CTSD: variants seen among roughly 807,000 people sequenced by gnomAD.
CTSD encodes cathepsin D.
Under a neutral mutation model 43.6 loss-of-function variants are expected in CTSD, and 28 were observed. That is an observed-to-expected ratio of 0.64 (90% CI 0.48 to 0.88). The LOEUF is 0.88. Ranked by LOEUF, CTSD falls within the 40% of genes least tolerant of loss-of-function variation. CTSD has a pLI of 0.00. For missense variants in CTSD, 485 were observed against 555.2 expected (o/e 0.87, Z 1.27); for synonymous variants, 270 against 249.8 (o/e 1.08, Z -0.76).
Position 1,761,329 on chromosome 11 carries a change from C to A in CTSD, c.208G>T (p.Val70Leu). 1 of 1,613,856 alleles carries A rather than the reference C, an allele frequency of 6.2e-7. No homozygotes were observed. The highest frequency in any genetic ancestry group is 8.5e-7 in the Non-Finnish European group (1 of 1,180,012). ...CTCACGTCCATGTAGTTCTTGAGCA[C>A]CTCGGGAATGGGCCCCTCGGTCACG... ...PAVTEGPIPE[V>L]LKNYMDAQYY... Residue 70 changes from valine to leucine, a missense_variant, in exon 2 of 9, where the codon GTG (valine) becomes TTG (leucine). By Grantham distance (32) the Val-to-Leu change is conservative. Transcript: ENST00000236671.
At position 1,763,822 on chromosome 11, in the gene CTSD, A is replaced by T; in HGVS notation, c.38T>A (p.Leu13Gln). The T allele has an allele frequency of 6.5e-7, 1 of 1,527,830 alleles. No individual in the cohort carries two copies. Among genetic ancestry groups the T allele is most frequent in the Non-Finnish European group, 8.7e-7 (1 of 1,143,196 alleles). 94.6% of individuals were successfully genotyped at this position (1,527,830 alleles called of 1,614,324 possible). The change falls in exon 1 of 9, where the codon CTG (leucine) becomes CAG (glutamine). Residue 13 changes from leucine (L) to glutamine (Q), a missense_variant. By Grantham distance (113) the Leu-to-Gln change is moderately radical. Transcript: ENST00000236671. The part of the protein sequence containing the change: ...PSSLLPLALC[L>Q]LAAPASALVR... ...GAGCGCGGAGGCGGGTGCAGCCAGC[A>T]GGCAGAGGGCGAGCGGCAGAAGGCT...
Position 1,758,995 on chromosome 11 carries a change from C to A in CTSD, c.445G>T (p.Gly149Trp). The part of the protein sequence containing the change: ...DIHYGSGSLS[G>W]YLSQDTVSVP... ...GACACAGTGTCCTGGCTCAGGTACCCGGAGAGGCTGCCCGAGCCATAGTGG... is the reference window on the plus strand; with the variant it reads ...GACACAGTGTCCTGGCTCAGGTACCAGGAGAGGCTGCCCGAGCCATAGTGG... The change falls in exon 4 of 9, where the codon GGG becomes TGG. Residue 149 changes from glycine (G) to tryptophan (W), a missense_variant. Coordinates refer to ENST00000236671, the MANE Select transcript of CTSD (RefSeq NM_001909.5). The A allele has an allele frequency of 6.2e-7, 1 of 1,613,660 alleles. No individual in the cohort carries two copies. Among genetic ancestry groups the A allele is most frequent in the Non-Finnish European group, 8.5e-7 (1 of 1,179,600 alleles).
intron 4 of CTSD, 105 bp downstream of exon 4, chr11:1,758,864 T>G: frequency 1.2e-6 from 1 of 860,580 alleles, no homozygotes; most frequent in Admixed American, 1.7e-5. Context: ...AGGGCTGGGG[T>G]TGGGCTGGGA....
In CTSD at chr11:1,753,330, G is replaced by A; in HGVS notation, c.*173C>T. The A allele has an allele frequency of 5.5e-6, 4 of 727,212 alleles. No homozygotes were observed. Among genetic ancestry groups the A allele is most frequent in the Non-Finnish European group, 7.2e-6 (3 of 417,678 alleles). 45.0% of individuals were successfully genotyped at this position (727,212 alleles called of 1,614,324 possible). On this transcript the variant is annotated 3_prime_UTR_variant, in exon 9 of 9. Coordinates refer to ENST00000236671, the MANE Select transcript of CTSD (RefSeq NM_001909.5). ...CAGGCAGCATTTCTGAACCCAGGGA[G>A]GGGAAAACCACAGAACAAAACAGCA...
rs929763593 is a variant in CTSD at position 1,753,614 on chromosome 11, C to G, written c.1128G>C (p.Pro376=). 6.2e-7 allele frequency: 1 copy of G among 1,612,870 alleles called. No individual in the cohort carries two copies. Among genetic ancestry groups the G allele is most frequent in the African/African-American group, 1.3e-5 (1 of 74,886 alleles). Residue 376 remains proline, a synonymous_variant, in exon 9 of 9, where the codon CCG becomes CCC. Transcript: ENST00000236671. ...GGATCCAGAGTGGCCCGCTGGGTGG[C>G]GGGATGTCCATGCCCATGAAGCCGC... ...CLSGFMGMDI[P]PPSGPLWILG...
At chr11:1,761,556 T>C in intron 1 of CTSD, 88 bp from the exon 2 acceptor site, 1 of 1,464,176 alleles carries the variant, frequency 6.8e-7, no homozygotes, top group Non-Finnish European at 9.4e-7. Flanking sequence ...TGGAGGCCCC[T>C]GGGGAATCTC....
chr11:1,754,036 C>T lies in CTSD; in HGVS notation c.930G>A (p.Glu310=). ...LMVGPVDEVR[E]LQKAIGAVPL... is the part of the protein sequence containing the mutation. ...GCACGGCCCCGATGGCCTTCTGCAG[C>T]TCGCGCACCTCATCCACCGGGCCCA... is the stretch of plus-strand genomic sequence containing the variant. Residue 310 remains glutamate (E), a synonymous_variant, in exon 7 of 9, where the codon GAG becomes GAA. Transcript: ENST00000236671. 6 of 1,610,386 alleles carry T rather than the reference C, an allele frequency of 3.7e-6. No individual in the cohort carries two copies. Among genetic ancestry groups the T allele is most frequent in the Non-Finnish European group, 5.1e-6 (6 of 1,179,144 alleles).
chr11:1,758,378 G>A (rs1043002877), intron 4 of CTSD, among the ~76,000 whole-genome samples: 4 of 152,096 alleles, frequency 2.6e-5, no homozygotes, highest in Admixed American at 2.0e-4. Context: ...AGACAGCTCC[G>A]AGGTGAGAAC....
At chr11:1,762,857 G>A (rs1845899273) in intron 1 of CTSD, among the ~76,000 whole-genome samples, 2 of 152,208 alleles carry the variant, frequency 1.3e-5, no homozygotes, top group African/African-American at 4.8e-5. Context: ...CACAGCCTTT[G>A]GTGAGGCTCA....
At chr11:1,760,270 G>A (rs889580091) in intron 2 of CTSD, 1 of 152,802 alleles carries the variant, frequency 6.5e-6, no homozygotes, top group Non-Finnish European at 1.5e-5. Context: ...CACAGGGATA[G>A]CAGGCGCAGG....
Position 1,759,648 on chromosome 11 carries a change from G to T in CTSD, c.229-9C>A. 6.2e-7 allele frequency: 1 copy of T among 1,610,492 alleles called. No homozygotes were observed. Among genetic ancestry groups the T allele is most frequent in the South Asian group, 1.1e-5 (1 of 91,010 alleles). ...TCCCCGTAGTACTGGGCCTGGCAGG[G>T]GACAGGGTCCGTCAGGGATGGGAGA... On this transcript the variant is annotated splice_polypyrimidine_tract_variant and intron_variant, in intron 2 of 8. Coordinates refer to ENST00000236671, the MANE Select transcript of CTSD (RefSeq NM_001909.5).
rs539823013 is a variant in CTSD at position 1,761,347 on chromosome 11, C to G, written c.190G>C (p.Glu64Gln). Residue 64 changes from glutamate to glutamine, a missense_variant, in exon 2 of 9, where the codon GAG becomes CAG. Glu to Gln is a conservative substitution (Grantham distance 29). Transcript: ENST00000236671. ...KYSQAVPAVT[E>Q]GPIPEVLKNY... ...TTGAGCACCTCGGGAATGGGCCCCT[C>G]GGTCACGGCTGGCACCGCCTGGGAG... is the stretch of plus-strand genomic sequence containing the variant. 1.2e-6 allele frequency: 2 copies of G among 1,613,858 alleles called. No individual in the cohort carries two copies. Among genetic ancestry groups the G allele is most frequent in the Admixed American group, 1.7e-5 (1 of 60,026 alleles).
intron 4 of CTSD, 56 bp downstream of exon 4, chr11:1,758,913 G>A: frequency 7.8e-7 from 1 of 1,284,428 alleles, no homozygotes; most frequent in Non-Finnish European, 1.1e-6. Context: ...CCCACGGTGG[G>A]TGAACCCCAC....
chr11:1,760,590 C>T (rs1337266874), intron 2 of CTSD: 1 of 153,738 alleles, frequency 6.5e-6, no homozygotes, highest in Non-Finnish European at 1.4e-5. Flanking sequence ...CGTGCATCTG[C>T]TTGCTCGCGC....
chr11:1,756,392 A>T (rs1845809715), intron 5 of CTSD, among the ~76,000 whole-genome samples: 1 of 152,216 alleles, frequency 6.6e-6, no homozygotes, highest in Non-Finnish European at 1.5e-5. Context: ...TTCACTGCCC[A>T]GGCAAGGGGC....
At position 1,753,980 on chromosome 11, in the gene CTSD, C is replaced by A; in HGVS notation, c.972+14G>T. On this transcript the variant is annotated intron_variant, in intron 7 of 8. Coordinates refer to ENST00000236671, the MANE Select transcript of CTSD (RefSeq NM_001909.5). ...CTGCCAGCCCCAGCCCCAGCCCCAG[C>A]CCCCGGCGCTCACCTCGCCCTGAAT... is the stretch of plus-strand genomic sequence containing the variant. 2 of 1,605,176 alleles carry A rather than the reference C, an allele frequency of 1.2e-6. No homozygotes were observed. The highest frequency in any genetic ancestry group is 1.7e-6 in the Non-Finnish European group (2 of 1,176,784).
In CTSD at chr11:1,759,041, C is replaced by T. The variant is rs746776763; in HGVS notation, c.399G>A (p.Lys133=). ...AGTGGATGTCAAACGAGGTACCATT[C>T]TTCACGTAGGTGCTGGACTTGTCGC... ...YNSDKSSTYV[K]NGTSFDIHYG... is the part of the protein sequence containing the mutation. The change falls in exon 4 of 9, where the codon AAG becomes AAA. Residue 133 remains lysine, a synonymous_variant. Transcript: ENST00000236671. The T allele has an allele frequency of 1.2e-6, 2 of 1,614,186 alleles. No homozygotes were observed. The highest frequency in any genetic ancestry group is 1.7e-6 in the Non-Finnish European group (2 of 1,179,990).
intron 6 of CTSD, 126 bp downstream of exon 6, chr11:1,754,780 C>T: frequency 8.4e-7 from 1 of 1,197,590 alleles, no homozygotes; most frequent in African/African-American, 3.3e-5. Context: ...GACCCCATCT[C>T]TTTCTTGCCC....
chr11:1,759,239 T>C (rs1403504280), intron 3 of CTSD, 152 bp from the exon 4 acceptor site: 7 of 871,580 alleles, frequency 8.0e-6, no homozygotes, highest in Non-Finnish European at 1.3e-5. Flanking sequence ...CCCACCATCA[T>C]GCCAGAGCCC....
Sources: allele counts gnomAD v4.1 joint callset (sites outside exome capture counted in the v4.1 genomes callset), GRCh38; gene constraint gnomAD v4.1.1; transcripts MANE v1.5; gene names NCBI Gene and HGNC (gene_info 2026-07-23, HGNC 2026-07-21).